Variants in ACTL8 observed in about 807,000 individuals in gnomAD.
ACTL8 encodes the protein actin-like protein 8.
A neutral mutation model predicts 9.3 loss-of-function variants in ACTL8; 3 were observed. That is an observed-to-expected ratio of 0.32 (90% CI 0.15 to 0.83). ACTL8 has a LOEUF of 0.83. Ranked by LOEUF, ACTL8 falls within the 40% of genes least tolerant of loss-of-function variation. The pLI is 0.57. For missense variants in ACTL8, 381 were observed against 492.2 expected, an observed-to-expected ratio of 0.77 and a Z score of 2.14; for synonymous variants, 224 against 205.9, an observed-to-expected ratio of 1.09 and a Z score of -0.75.
chr1:17,802,464 G>GGT (rs1379762118), intron 1 of ACTL8, among the ~76,000 whole-genome samples: 1 of 146,002 alleles, frequency 6.8e-6, no homozygotes, highest in Non-Finnish European at 1.5e-5. Context: ...GGAGGGCAGT[G>GGT]GTGCACATAT....
chr1:17,817,471 T>A (rs1268721097), intron 1 of ACTL8, among the ~76,000 whole-genome samples: 1 of 152,112 alleles, frequency 6.6e-6, no homozygotes, highest in African/African-American at 2.4e-5. Flanking sequence ...CCTCCTAATT[T>A]CTCATCCCAT....
intron 1 of ACTL8, among the ~76,000 whole-genome samples, chr1:17,761,943 TC>T (rs1428023271): frequency 6.6e-6 from 1 of 151,096 alleles, no homozygotes; most frequent in African/African-American, 2.4e-5. Context: ...GGGTTTCTCC[TC>T]ATCTCAGGTG....
Position 17,826,506 on chromosome 1 carries a change from A to G in ACTL8, c.1088A>G (p.His363Arg), listed in dbSNP as rs771496051. 2.5e-6 allele frequency: 4 copies of G among 1,574,264 alleles called. No homozygotes were observed. In the African/African-American group the frequency reaches 5.4e-5, roughly 21 times the overall value. Residue 363 changes from histidine (H) to arginine (R), a missense_variant, in exon 3 of 3, where the codon CAT becomes CGT. Transcript: ENST00000375406. This position sits in a 1 kb window ranked among gnomAD's most constrained non-coding sequence, Gnocchi z 4.5. ...ATGTCCCGAGAGGAGTATGGTGAGC[A>G]TATGAGGATGTGACCCTACTGGCTC... ...EWMSREEYGE[H>R]MRM is the part of the protein sequence containing the mutation.
intron 1 of ACTL8, among the ~76,000 whole-genome samples, chr1:17,798,206 T>C (rs1272201712): frequency 8.0e-6 from 1 of 124,686 alleles, no homozygotes; most frequent in Non-Finnish European, 1.7e-5. Flanking sequence ...TCCTGAAATA[T>C]GCAGTGGGAG....
At position 17,809,700 on chromosome 1, in the gene ACTL8, A is replaced by G. The variant is rs113674732; in HGVS notation, c.-24-13285A>G. On this transcript the variant is annotated intron_variant, in intron 1 of 2. Transcript: ENST00000375406. ...GCTCCTTATGAGAATCTAATGCCCG[A>G]TGATCTGTCGGTGTCTCCCATCACT... is the stretch of plus-strand genomic sequence containing the variant. 6.5e-4 allele frequency among the ~76,000 whole-genome samples: 99 copies of G among 152,050 alleles called. 2 individuals carry two copies. The highest frequency in any genetic ancestry group is 8.5e-4 in the Admixed American group (13 of 15,250).
chr1:17,793,840 G>T (rs2066258701), intron 1 of ACTL8, among the ~76,000 whole-genome samples: 1 of 152,192 alleles, frequency 6.6e-6, no homozygotes, highest in Admixed American at 6.5e-5. Context: ...GGCATCCTTT[G>T]TGTAGAATAT....
At chr1:17,814,049 T>A (rs1029616450) in intron 1 of ACTL8, among the ~76,000 whole-genome samples, 1 of 152,236 alleles carries the variant, frequency 6.6e-6, no homozygotes, top group South Asian at 2.1e-4. Flanking sequence ...GCTTTTGGCT[T>A]TATTGACTTT....
At chr1:17,780,486 C>T (rs909938413) in intron 1 of ACTL8, among the ~76,000 whole-genome samples, 6 of 152,098 alleles carry the variant, frequency 3.9e-5, no homozygotes, top group Non-Finnish European at 5.9e-5. Flanking sequence ...GGGATGGGGG[C>T]GTCATCTCTG....
chr1:17,787,800 T>C (rs2066209191), intron 1 of ACTL8, among the ~76,000 whole-genome samples: 1 of 152,168 alleles, frequency 6.6e-6, no homozygotes, highest in African/African-American at 2.4e-5. Flanking sequence ...AAGGTTTGTG[T>C]GCTGTTAATT....
intron 1 of ACTL8, among the ~76,000 whole-genome samples, chr1:17,817,616 C>T (rs1187341820): frequency 1.3e-5 from 2 of 152,158 alleles, no homozygotes; most frequent in African/African-American, 4.8e-5. Flanking sequence ...GGCCACTAGA[C>T]CTTAGAGGCC....
chr1:17,795,394 C>T (rs2066269578), intron 1 of ACTL8, among the ~76,000 whole-genome samples: 1 of 152,214 alleles, frequency 6.6e-6, no homozygotes, highest in African/African-American at 2.4e-5. Flanking sequence ...CTATTTCCTC[C>T]ACTATAAACA....
chr1:17,760,913 G>A (rs1267235843), intron 1 of ACTL8, among the ~76,000 whole-genome samples: 3 of 152,146 alleles, frequency 2.0e-5, no homozygotes, highest in Non-Finnish European at 4.4e-5. Flanking sequence ...CTATAAAACC[G>A]ATCTGAGGAG....
chr1:17,796,306 C>CTGTGTGTGTGTGTGTG (rs3063168), intron 1 of ACTL8, among the ~76,000 whole-genome samples: 6 of 147,940 alleles, frequency 4.1e-5, no homozygotes, highest in African/African-American at 5.0e-5. Context: ...ATGCGTGCAC[C>CTGTGTGTGTGTGTGTG]TGTGTGTGTG....
At chr1:17,810,708 G>T (rs1475629577) in intron 1 of ACTL8, among the ~76,000 whole-genome samples, 18 of 152,118 alleles carry the variant, frequency 1.2e-4, no homozygotes, top group Non-Finnish European at 2.6e-4. Context: ...CGACTGATCT[G>T]TTTTGTTACT....
At chr1:17,778,479 C>T (rs1199046110) in intron 1 of ACTL8, among the ~76,000 whole-genome samples, 1 of 152,042 alleles carries the variant, frequency 6.6e-6, no homozygotes, top group African/African-American at 2.4e-5. Flanking sequence ...TGGCTGAAAG[C>T]ATGTTGTCGG....
At chr1:17,812,427 C>CTTTTTTTTTTTT (rs141182523) in intron 1 of ACTL8, among the ~76,000 whole-genome samples, 1 of 122,420 alleles carries the variant, frequency 8.2e-6, no homozygotes, top group Non-Finnish European at 1.7e-5. Context: ...ATTTTTTTTC[C>CTTTTTTTTTTTT]TTTTTTTTTT....
At chr1:17,824,697 G>T (rs759401033) in intron 2 of ACTL8, among the ~76,000 whole-genome samples, 20 of 152,070 alleles carry the variant, frequency 1.3e-4, no homozygotes, top group Non-Finnish European at 2.6e-4. Flanking sequence ...CATGTAACTG[G>T]GCATCCTGTA....
intron 1 of ACTL8, among the ~76,000 whole-genome samples, chr1:17,768,842 G>A (rs2066064020): frequency 2.0e-5 from 3 of 152,162 alleles, no homozygotes; most frequent in Non-Finnish European, 4.4e-5. Context: ...GGCTGAAGAT[G>A]TCTTTGGACA....
At chr1:17,824,411 A>G (rs2053694711) in intron 2 of ACTL8, among the ~76,000 whole-genome samples, 1 of 152,232 alleles carries the variant, frequency 6.6e-6, no homozygotes, top group Non-Finnish European at 1.5e-5. Context: ...CCAAACATGA[A>G]GACAAAACAG....
Sources: gnomAD v4.1 joint callset for allele counts (sites outside exome capture counted in the v4.1 genomes callset) on GRCh38, gnomAD v4.1.1 for gene constraint, Gnocchi (gnomAD v3.1) non-coding constraint, MANE v1.5 for transcripts, NCBI Gene and HGNC (gene_info 2026-07-23, HGNC 2026-07-21) for gene names.